The following TMEM132D variants were observed in gnomAD, a reference collection of about 807,000 sequenced individuals.
The protein encoded by TMEM132D is mature OL transmembrane protein.
A neutral mutation model predicts 62.3 loss-of-function variants in TMEM132D; 21 were observed. The observed-to-expected ratio is 0.34, with a 90% CI of 0.24 to 0.49. TMEM132D has a LOEUF of 0.49. Among genes scored for constraint, TMEM132D ranks in the 20% least tolerant of loss-of-function variants. The probability of loss-of-function intolerance (pLI) is 0.99; values close to 1 mark genes in which losing one functional copy is unlikely to be tolerated. For synonymous variants in TMEM132D, 621 were observed against 575.6 expected (o/e 1.08, Z -1.13); for missense variants, 1,346 against 1,402.8 (o/e 0.96, Z 0.65).
At chr12:129,875,403 G>C (rs1354823791) in intron 1 of TMEM132D, among the ~76,000 whole-genome samples, 1 of 152,202 alleles carries the variant, frequency 6.6e-6, no homozygotes, top group Admixed American at 6.5e-5. Context: ...AGTTCTGGAG[G>C]CTGGAAAGCC....
At chr12:129,209,901 G>T in intron 4 of TMEM132D, 1 of 533,784 alleles carries the variant, frequency 1.9e-6, no homozygotes, top group Non-Finnish European at 3.3e-6. Flanking sequence ...GACAGAAAAG[G>T]TGGCGGAGGA....
intron 4 of TMEM132D, among the ~76,000 whole-genome samples, chr12:129,269,372 C>CCTCCCTTCCTCT (rs879297972): frequency 0.07 from 10,611 of 151,858 alleles, 567 homozygotes; most frequent in East Asian, 0.18. Context: ...TCCCTTCCTC[C>CCTCCCTTCCTCT]CTTCCCCTTT....
rs529457758 is a variant in TMEM132D at position 129,279,623 on chromosome 12, G to A, written c.1299+58011C>T. On this transcript the variant is annotated intron_variant, in intron 4 of 8. Coordinates refer to ENST00000422113, the MANE Select transcript of TMEM132D (RefSeq NM_133448.3). Reference sequence around the variant, plus strand: ...AGTAGAGAGATCTGGTAATGAATTAGAGTGAATCCTTTAAGGGAATACACC... The same window carrying A: ...AGTAGAGAGATCTGGTAATGAATTAAAGTGAATCCTTTAAGGGAATACACC... Among the ~76,000 whole-genome samples, 519 of 151,658 alleles carry A rather than the reference G, an allele frequency of 3.4e-3. 6 individuals are homozygous for A. The highest frequency in any genetic ancestry group is 0.012 in the African/African-American group (485 of 41,306).
chr12:129,831,114 C>G (rs1872814761), intron 1 of TMEM132D, among the ~76,000 whole-genome samples: 1 of 152,110 alleles, frequency 6.6e-6, no homozygotes. Context: ...CCTCATTGGC[C>G]TGTTTATTTC....
At chr12:129,849,429 C>A (rs1009848274) in intron 1 of TMEM132D, among the ~76,000 whole-genome samples, 1 of 152,122 alleles carries the variant, frequency 6.6e-6, no homozygotes, top group South Asian at 2.1e-4. Flanking sequence ...AAAATAAAAG[C>A]CTTGAGATGC....
intron 1 of TMEM132D, among the ~76,000 whole-genome samples, chr12:129,780,678 G>A (rs1401402293): frequency 3.3e-5 from 5 of 152,152 alleles, no homozygotes; most frequent in Non-Finnish European, 7.3e-5. Context: ...GGAAATGTCC[G>A]TAATTGGTGA....
intron 1 of TMEM132D, among the ~76,000 whole-genome samples, chr12:129,809,368 A>G (rs1249784922): frequency 6.6e-6 from 1 of 151,986 alleles, no homozygotes; most frequent in African/African-American, 2.4e-5. Context: ...CCAGGTGGAA[A>G]CCAAAACTGG....
intron 4 of TMEM132D, among the ~76,000 whole-genome samples, chr12:129,312,112 G>T (rs952241025): frequency 4.6e-5 from 7 of 152,230 alleles, no homozygotes; most frequent in Non-Finnish European, 1.0e-4. Context: ...TTTTTAGACA[G>T]TGCAAGAGAT....
intron 4 of TMEM132D, among the ~76,000 whole-genome samples, chr12:129,215,886 C>G (rs925019853): frequency 3.3e-5 from 5 of 152,154 alleles, no homozygotes; most frequent in African/African-American, 1.2e-4. Context: ...AAAGGGGAAA[C>G]CCCAAATAAA....
At chr12:129,384,691 CT>C (rs1566052080) in intron 3 of TMEM132D, among the ~76,000 whole-genome samples, 1 of 152,186 alleles carries the variant, frequency 6.6e-6, no homozygotes, top group East Asian at 1.9e-4. Context: ...GAAAGGCAGA[CT>C]TTGGTCCACT....
intron 5 of TMEM132D, among the ~76,000 whole-genome samples, chr12:129,190,142 GGGGT>G (rs1878345530): frequency 1.6e-5 from 1 of 64,140 alleles, no homozygotes; most frequent in Non-Finnish European, 3.6e-5. Flanking sequence ...ATGGAGGGAG[GGGGT>G]CTCAGGCCTG....
chr12:129,383,708 G>A (rs1281688599), intron 3 of TMEM132D, among the ~76,000 whole-genome samples: 2 of 152,150 alleles, frequency 1.3e-5, no homozygotes, highest in Non-Finnish European at 2.9e-5. Flanking sequence ...TAAAGTGCTG[G>A]GATTATAGGT....
intron 3 of TMEM132D, chr12:129,522,754 T>TA (rs1027482852): frequency 1.1e-4 from 1 of 9,314 alleles, no homozygotes; most frequent in Admixed American, 1.7e-3. Flanking sequence ...CCTTAACAAA[T>TA]AAAAAAATAC....
At chr12:129,309,992 C>T (rs999536136) in intron 4 of TMEM132D, among the ~76,000 whole-genome samples, 1 of 152,004 alleles carries the variant, frequency 6.6e-6, no homozygotes, top group African/African-American at 2.4e-5. Flanking sequence ...GAAAAGGAAG[C>T]CAGACTCCTA....
chr12:129,181,915 A>G (rs1457598331), intron 5 of TMEM132D, among the ~76,000 whole-genome samples: 1 of 152,194 alleles, frequency 6.6e-6, no homozygotes, highest in East Asian at 1.9e-4. Flanking sequence ...CAGTAGAGAC[A>G]AACTTCTCTG....
chr12:129,565,301 C>T (rs1877338277), intron 2 of TMEM132D, among the ~76,000 whole-genome samples: 1 of 152,108 alleles, frequency 6.6e-6, no homozygotes, highest in Non-Finnish European at 1.5e-5. Context: ...GGAAACTAGA[C>T]CTAGACAAAA....
At chr12:129,226,827 G>T (rs534623722) in intron 4 of TMEM132D, among the ~76,000 whole-genome samples, 1 of 152,068 alleles carries the variant, frequency 6.6e-6, no homozygotes, top group African/African-American at 2.4e-5. Context: ...ACTCAGCAAC[G>T]AGGTGAATGT....
At chr12:129,699,653 C>A (rs1249976757) in intron 2 of TMEM132D, among the ~76,000 whole-genome samples, 157 bp downstream of exon 2, 2 of 152,208 alleles carry the variant, frequency 1.3e-5, no homozygotes, top group Non-Finnish European at 2.9e-5. Flanking sequence ...AACGATCAGA[C>A]TGGTCTCTGT....
At chr12:129,168,417 G>A (rs1877624935) in intron 5 of TMEM132D, among the ~76,000 whole-genome samples, 2 of 152,096 alleles carry the variant, frequency 1.3e-5, no homozygotes, top group Non-Finnish European at 2.9e-5. Flanking sequence ...TACCCATTAT[G>A]AGTCACTTTC....
Sources: gnomAD v4.1 joint callset for allele counts (sites outside exome capture counted in the v4.1 genomes callset) on GRCh38, gnomAD v4.1.1 for gene constraint, MANE v1.5 for transcripts, NCBI Gene and HGNC (gene_info 2026-07-23, HGNC 2026-07-21) for gene names.